Variants in TTC29 observed in about 807,000 individuals in gnomAD.
The protein encoded by TTC29 is tetratricopeptide repeat domain 29, also known as tetratricopeptide repeat protein 29.
Under a neutral mutation model 58.1 loss-of-function variants are expected in TTC29, and 49 were observed. The ratio of observed to expected loss-of-function variants is 0.84; its 90% CI spans 0.67 to 1.07. TTC29 has a LOEUF of 1.07. Ranked by LOEUF, TTC29 falls within the 50% of genes least tolerant of loss-of-function variation. TTC29 has a pLI of 0.00. For missense variants in TTC29, 582 were observed against 555.6 expected, an observed-to-expected ratio of 1.05 and a Z score of -0.48; for synonymous variants, 209 against 196.8, an observed-to-expected ratio of 1.06 and a Z score of -0.52.
chr4:146,911,618 C>T (rs1733902738), intron 4 of TTC29, among the ~76,000 whole-genome samples: 1 of 152,192 alleles, frequency 6.6e-6, no homozygotes, highest in African/African-American at 2.4e-5. Context: ...AGTAGCCTGG[C>T]AAGTTCAAGA....
chr4:146,852,990 G>A (rs1729607554), intron 8 of TTC29, among the ~76,000 whole-genome samples: 1 of 151,782 alleles, frequency 6.6e-6, no homozygotes, highest in Non-Finnish European at 1.5e-5. Context: ...AATGTTGTGG[G>A]TTGAGATAAG....
intron 4 of TTC29, among the ~76,000 whole-genome samples, chr4:146,924,254 C>T (rs543318851): frequency 6.6e-6 from 1 of 151,724 alleles, no homozygotes; most frequent in South Asian, 2.1e-4. Context: ...GCTGCTTAAT[C>T]ATATTATTTG....
At chr4:146,783,694 A>AAGGT (rs969859811) in intron 11 of TTC29, among the ~76,000 whole-genome samples, 2 of 147,664 alleles carry the variant, frequency 1.4e-5, no homozygotes, top group Admixed American at 6.7e-5. Context: ...GTCTCAGGTG[A>AAGGT]AGGTAGACTA....
At chr4:146,942,025 A>G (rs144567018) in intron 2 of TTC29, among the ~76,000 whole-genome samples, 3 of 152,332 alleles carry the variant, frequency 2.0e-5, no homozygotes, top group East Asian at 1.9e-4. Flanking sequence ...ACGAGAGAAA[A>G]TCTTCTGAAA....
intron 11 of TTC29, among the ~76,000 whole-genome samples, chr4:146,735,798 G>A (rs913783954): frequency 5.3e-5 from 8 of 152,158 alleles, no homozygotes; most frequent in Non-Finnish European, 1.2e-4. Flanking sequence ...ACAACAGTTC[G>A]AGAAGCCTTA....
At chr4:146,906,844 A>G (rs904965129) in intron 5 of TTC29, among the ~76,000 whole-genome samples, 3 of 152,212 alleles carry the variant, frequency 2.0e-5, no homozygotes, top group African/African-American at 7.2e-5. Flanking sequence ...ACTTTGGGCC[A>G]GGTGCGGTGG....
In TTC29 at chr4:146,874,796, A is replaced by C; in HGVS notation, c.719T>G (p.Leu240Arg). The change falls in exon 7 of 13, where the codon CTC becomes CGC. Residue 240 changes from leucine (L) to arginine (R), a missense_variant. Leu to Arg is a moderately radical substitution (Grantham distance 102, BLOSUM62 -2). Transcript: ENST00000325106. Reference sequence around the variant, plus strand: ...TTTATTTTCTAGCATTTTGTCTGAGAGTAATCTGTAAGTCCTCAGGAGACT... The same window carrying C: ...TTTATTTTCTAGCATTTTGTCTGAGCGTAATCTGTAAGTCCTCAGGAGACT... ...CESLLRTYRL[L>R]SDKMLENKEY... 1 of 1,612,478 alleles carries C rather than the reference A, an allele frequency of 6.2e-7. No homozygotes were observed. Among genetic ancestry groups the C allele is most frequent in the Non-Finnish European group, 8.5e-7 (1 of 1,179,388 alleles).
chr4:146,729,326 C>A (rs1410975059), intron 11 of TTC29, among the ~76,000 whole-genome samples: 1 of 152,082 alleles, frequency 6.6e-6, no homozygotes, highest in African/African-American at 2.4e-5. Flanking sequence ...GTTGACTTTT[C>A]ATTTAACTCT....
At chr4:146,727,364 A>G (rs1362018830) in intron 11 of TTC29, among the ~76,000 whole-genome samples, 1 of 152,160 alleles carries the variant, frequency 6.6e-6, no homozygotes, top group Non-Finnish European at 1.5e-5. Flanking sequence ...TATCACCCAA[A>G]GTCCGTAATT....
chr4:146,826,199 T>C (rs1348190000), intron 9 of TTC29, among the ~76,000 whole-genome samples: 1 of 152,212 alleles, frequency 6.6e-6, no homozygotes, highest in African/African-American at 2.4e-5. Flanking sequence ...AGTTTCTTCA[T>C]AGTGTCATTG....
At chr4:146,824,701 G>C (rs1332222016) in intron 9 of TTC29, among the ~76,000 whole-genome samples, 1 of 152,126 alleles carries the variant, frequency 6.6e-6, no homozygotes, top group South Asian at 2.1e-4. Flanking sequence ...TCATATATCT[G>C]GCAGAATTCA....
At position 146,885,251 on chromosome 4, in the gene TTC29, A is replaced by G. The variant is rs76417616; in HGVS notation, c.587-10323T>C. Reference sequence around the variant, plus strand: ...AATGTAATGCAATAAAGCAAAAAAAAGGATATTTAGCAAAAATAAAATGCA... The same window carrying G: ...AATGTAATGCAATAAAGCAAAAAAAGGGATATTTAGCAAAAATAAAATGCA... On this transcript the variant is annotated intron_variant, in intron 6 of 12. Transcript: ENST00000325106. Among the ~76,000 whole-genome samples the G allele has an allele frequency of 7.2e-3, 1,090 of 152,210 alleles. 13 individuals are homozygous for G. The highest frequency in any genetic ancestry group is 0.025 in the African/African-American group (1,028 of 41,548).
intron 3 of TTC29, among the ~76,000 whole-genome samples, 196 bp downstream of exon 3, chr4:146,939,604 TAATA>T (rs1736172960): frequency 6.6e-6 from 1 of 152,184 alleles, no homozygotes; most frequent in South Asian, 2.1e-4. Context: ...AGCACTAGGT[TAATA>T]AATAAATAAA....
At chr4:146,746,270 G>C (rs1158388365) in intron 11 of TTC29, among the ~76,000 whole-genome samples, 2 of 152,226 alleles carry the variant, frequency 1.3e-5, no homozygotes, top group Non-Finnish European at 2.9e-5. Context: ...GTCAGCACTT[G>C]CTTCTCTGAA....
intron 8 of TTC29, among the ~76,000 whole-genome samples, chr4:146,847,764 T>C (rs763677509): frequency 1.1e-4 from 17 of 152,200 alleles, no homozygotes; most frequent in Admixed American, 3.3e-4. Context: ...TAAGTACAAA[T>C]GCATCGAAAG....
chr4:146,756,040 C>T (rs1054517972), intron 11 of TTC29, among the ~76,000 whole-genome samples: 10 of 151,872 alleles, frequency 6.6e-5, no homozygotes, highest in Non-Finnish European at 1.3e-4. Flanking sequence ...TTCGGGAGGC[C>T]GAGGCAGGTG....
In TTC29 at chr4:146,867,584, C is replaced by A; in HGVS notation, c.800-1G>T. 3 of 1,463,212 alleles carry A rather than the reference C, an allele frequency of 2.1e-6. No individual in the cohort carries two copies. The highest frequency in any genetic ancestry group is 2.5e-5 in the East Asian group (1 of 40,284). 90.6% of individuals were successfully genotyped at this position (1,463,212 alleles called of 1,614,324 possible). Reference sequence around the variant, plus strand: ...TCCGCTTCCATCTTTTTGTCACTTCCTGAAGTGAAGATGTAAAAAAATTAC... The same window carrying A: ...TCCGCTTCCATCTTTTTGTCACTTCATGAAGTGAAGATGTAAAAAAATTAC... On this transcript the variant is annotated splice_acceptor_variant, in intron 7 of 12. Transcript: ENST00000325106. LOFTEE classifies it high-confidence loss of function.
intron 10 of TTC29, among the ~76,000 whole-genome samples, chr4:146,804,015 C>A (rs1398108262): frequency 6.6e-6 from 1 of 152,170 alleles, no homozygotes; most frequent in African/African-American, 2.4e-5. Context: ...ACACAGAAGG[C>A]AGGTGATTTC....
At chr4:146,923,695 A>G (rs969671341) in intron 4 of TTC29, among the ~76,000 whole-genome samples, 3 of 151,856 alleles carry the variant, frequency 2.0e-5, no homozygotes, top group Non-Finnish European at 4.4e-5. Flanking sequence ...CAGTATTTTA[A>G]TAATGTCAGT....
Sources: allele counts gnomAD v4.1 joint callset (sites outside exome capture counted in the v4.1 genomes callset), GRCh38; gene constraint gnomAD v4.1.1; transcripts MANE v1.5; gene names NCBI Gene and HGNC (gene_info 2026-07-23, HGNC 2026-07-21).